Variants in SLIT2 observed in about 807,000 individuals in gnomAD.
The protein encoded by SLIT2 is slit guidance ligand 2.
Under a neutral mutation model 185.7 loss-of-function variants are expected in SLIT2, and 41 were observed. The ratio of observed to expected loss-of-function variants is 0.22; its 90% CI spans 0.17 to 0.29. SLIT2 has a LOEUF of 0.29. Ranked by LOEUF, SLIT2 falls within the 10% of genes least tolerant of loss-of-function variation. SLIT2 has a pLI of 1.00. For missense variants in SLIT2, 1,571 were observed against 1,909.0 expected (o/e 0.82, Z 3.30); for synonymous variants, 693 against 680.2 (o/e 1.02, Z -0.29).
intron 3 of SLIT2, 78 bp from the exon 4 acceptor site, chr4:20,268,732 G>C (rs1000708483): frequency 5.7e-6 from 5 of 881,838 alleles, no homozygotes; most frequent in Non-Finnish European, 9.7e-6. Context: ...ACAGGATGAG[G>C]CATGACACTA....
intron 4 of SLIT2, among the ~76,000 whole-genome samples, chr4:20,294,726 A>G (rs1271988427): frequency 6.6e-6 from 1 of 152,218 alleles, no homozygotes; most frequent in Non-Finnish European, 1.5e-5. Context: ...AAAAAGCTGA[A>G]GATTGACTAG....
chr4:20,483,303 A>T (rs1160855119), intron 6 of SLIT2, among the ~76,000 whole-genome samples: 1 of 152,044 alleles, frequency 6.6e-6, no homozygotes, highest in East Asian at 1.9e-4. Context: ...AGAGTCCAAG[A>T]AGTCAAGTGA....
At chr4:20,587,386 C>T (rs1400580982) in intron 29 of SLIT2, among the ~76,000 whole-genome samples, 1 of 152,112 alleles carries the variant, frequency 6.6e-6, no homozygotes, top group Admixed American at 6.5e-5. Context: ...ATGTAATGGT[C>T]ACAAAGAAGT....
At chr4:20,375,831 A>G (rs1464826009) in intron 4 of SLIT2, among the ~76,000 whole-genome samples, 1 of 152,098 alleles carries the variant, frequency 6.6e-6, no homozygotes, top group African/African-American at 2.4e-5. Context: ...AAAATGCACT[A>G]TGTGCTTTCA....
At chr4:20,378,332 T>G (rs1470215054) in intron 4 of SLIT2, among the ~76,000 whole-genome samples, 1 of 152,190 alleles carries the variant, frequency 6.6e-6, no homozygotes, top group Non-Finnish European at 1.5e-5. Flanking sequence ...ATGACATTCC[T>G]TGTTGCTAAC....
chr4:20,363,152 G>A (rs1722869460), intron 4 of SLIT2, among the ~76,000 whole-genome samples: 1 of 151,998 alleles, frequency 6.6e-6, no homozygotes, highest in African/African-American at 2.4e-5. Flanking sequence ...TGAATCTCAT[G>A]AACAAGTAAT....
intron 4 of SLIT2, among the ~76,000 whole-genome samples, chr4:20,425,368 A>T (rs1175194199): frequency 1.3e-5 from 2 of 152,162 alleles, no homozygotes; most frequent in South Asian, 2.1e-4. Context: ...CACTATCAAA[A>T]AAATAAATAA....
Position 20,554,491 on chromosome 4 carries a change from G to A in SLIT2, c.2725+523G>A, listed in dbSNP as rs534892679. ...TGATGTATTTGTGAATCTAAATATT[G>A]TCAGAATAACAAATATTATTTTCCT... On this transcript the variant is annotated intron_variant, in intron 26 of 36. Coordinates refer to ENST00000504154, the MANE Select transcript of SLIT2 (RefSeq NM_004787.4). Among the ~76,000 whole-genome samples, 23 of 152,106 alleles carry A rather than the reference G, an allele frequency of 1.5e-4. No individual in the cohort carries two copies. In the South Asian group the frequency reaches 4.8e-3, roughly 32 times the overall value.
chr4:20,464,163 G>A (rs983793312), intron 4 of SLIT2, among the ~76,000 whole-genome samples: 5 of 152,112 alleles, frequency 3.3e-5, no homozygotes, highest in African/African-American at 1.2e-4. Context: ...GTTGATGGTT[G>A]CTTTAGGTTC....
chr4:20,345,804 G>A (rs892815511), intron 4 of SLIT2, among the ~76,000 whole-genome samples: 8 of 151,720 alleles, frequency 5.3e-5, no homozygotes, highest in African/African-American at 1.9e-4. Flanking sequence ...AAAGTGCTGG[G>A]ATTACAGGCG....
intron 4 of SLIT2, among the ~76,000 whole-genome samples, chr4:20,336,232 T>C (rs1453171418): frequency 6.6e-6 from 1 of 152,206 alleles, no homozygotes; most frequent in Non-Finnish European, 1.5e-5. Context: ...GAAATTAGTT[T>C]TTCCTTTAAT....
chr4:20,464,111 G>A (rs1390792143), intron 4 of SLIT2, among the ~76,000 whole-genome samples: 1 of 152,038 alleles, frequency 6.6e-6, no homozygotes, highest in Non-Finnish European at 1.5e-5. Context: ...GTGTGGACAT[G>A]CCTCATGCAC....
At chr4:20,460,008 T>C (rs1713519576) in intron 4 of SLIT2, among the ~76,000 whole-genome samples, 2 of 151,780 alleles carry the variant, frequency 1.3e-5, no homozygotes, top group Non-Finnish European at 2.9e-5. Flanking sequence ...AGATTGCAAG[T>C]ACTTGCCACC....
intron 4 of SLIT2, among the ~76,000 whole-genome samples, chr4:20,385,478 C>T (rs1365857057): frequency 2.0e-5 from 3 of 152,018 alleles, no homozygotes; most frequent in Admixed American, 2.0e-4. Flanking sequence ...ATAGCTTGGC[C>T]AAGTTCAGAG....
chr4:20,496,288 A>G (rs1718222409), intron 9 of SLIT2, among the ~76,000 whole-genome samples: 2 of 152,094 alleles, frequency 1.3e-5, no homozygotes, highest in African/African-American at 2.4e-5. Flanking sequence ...TTGTTAAGCA[A>G]TAGAAGGAAA....
rs71653879 is a variant in SLIT2, at chr4:20,368,219, C to CAAAAAAAAAAAAAAAAAAAAAAA, written c.395+99353_395+99354insAAAAAAAAAAAAAAAAAAAAAAA. Among the ~76,000 whole-genome samples, 98 of 107,190 alleles carry CAAAAAAAAAAAAAAAAAAAAAAA rather than the reference C, an allele frequency of 9.1e-4. 1 individual carries two copies. The highest frequency in any genetic ancestry group is 5.9e-3 in the Middle Eastern group (1 of 170). 70.3% of individuals were successfully genotyped at this position (107,190 alleles called of 152,430 possible). The stretch of plus-strand genomic sequence containing the variant: ...TTTTTGAAATAGTGTCACAAAATAG[C>CAAAAAAAAAAAAAAAAAAAAAAA]AAAAAAAAAAAAAAAGAAAAAAAAG... On this transcript the variant is annotated intron_variant, in intron 4 of 36. Coordinates refer to ENST00000504154, the MANE Select transcript of SLIT2 (RefSeq NM_004787.4).
At chr4:20,327,520 G>A (rs760602467) in intron 4 of SLIT2, among the ~76,000 whole-genome samples, 1 of 151,874 alleles carries the variant, frequency 6.6e-6, no homozygotes, top group South Asian at 2.1e-4. Flanking sequence ...TAGAGTAATT[G>A]TTTTTCTTCC....
intron 29 of SLIT2, among the ~76,000 whole-genome samples, chr4:20,589,085 A>G (rs1459588634): frequency 6.6e-6 from 1 of 152,190 alleles, no homozygotes; most frequent in Non-Finnish European, 1.5e-5. Flanking sequence ...TAAGCCAGGC[A>G]TAAAAGGGTA....
At chr4:20,572,825 G>C (rs1725725092) in intron 29 of SLIT2, among the ~76,000 whole-genome samples, 1 of 152,158 alleles carries the variant, frequency 6.6e-6, no homozygotes, top group East Asian at 1.9e-4. Flanking sequence ...TCCATAAAGT[G>C]AACATCTCCA....
Sources: allele counts gnomAD v4.1 joint callset (sites outside exome capture counted in the v4.1 genomes callset), GRCh38; gene constraint gnomAD v4.1.1; transcripts MANE v1.5; gene names NCBI Gene and HGNC (gene_info 2026-07-23, HGNC 2026-07-21).